Variants in NUFIP2 observed in about 807,000 individuals in gnomAD.
The protein encoded by NUFIP2 is nuclear FMR1 interacting protein 2, also known as FMR1-interacting protein NUFIP2.
A neutral mutation model predicts 56.9 loss-of-function variants in NUFIP2; 6 were observed. The ratio of observed to expected loss-of-function variants is 0.11; its 90% CI spans 0.06 to 0.21. The LOEUF (loss-of-function observed/expected upper bound fraction) is 0.21, where lower values mean the gene tolerates loss of function less well. Among genes scored for constraint, NUFIP2 ranks in the 10% least tolerant of loss-of-function variants. The probability of loss-of-function intolerance (pLI) is 1.00; values close to 1 mark genes in which losing one functional copy is unlikely to be tolerated. For missense variants in NUFIP2, 828 were observed against 826.8 expected, an observed-to-expected ratio of 1.00 and a Z score of -0.02; for synonymous variants, 321 against 298.2, an observed-to-expected ratio of 1.08 and a Z score of -0.79.
rs1232025815 is a variant in NUFIP2 at position 29,286,204 on chromosome 17, T to C, written c.1790A>G (p.His597Arg). The C allele has an allele frequency of 2.5e-6, 4 of 1,614,134 alleles. No homozygotes were observed. The highest frequency in any genetic ancestry group is 2.5e-6 in the Non-Finnish European group (3 of 1,179,986). The change falls in exon 2 of 4, where the codon CAT becomes CGT. Residue 597 changes from histidine to arginine, a missense_variant. Coordinates refer to ENST00000225388, the MANE Select transcript of NUFIP2 (RefSeq NM_020772.3). ...GTCTGCTTTCTGCAGGTCACCTATA[T>C]GACTGGGTTCCAAGGATAAGGCTCC... ...ESGALSLEPS[H>R]IGDLQKADTS...
Position 29,286,050 on chromosome 17 carries a change from T to C in NUFIP2, c.1944A>G (p.Glu648=), listed in dbSNP as rs1392206472. The C allele has an allele frequency of 6.2e-7, 1 of 1,614,160 alleles. No individual in the cohort carries two copies. Among genetic ancestry groups the C allele is most frequent in the Non-Finnish European group, 8.5e-7 (1 of 1,179,980 alleles). ...CAAAAGAACCCCAGCTATCATTCCTTTCTAGGCCTCTCTGGTATCTCTGTT... is the reference window on the plus strand; with the variant it reads ...CAAAAGAACCCCAGCTATCATTCCTCTCTAGGCCTCTCTGGTATCTCTGTT... ...AKEQRYQRGL[E]RNDSWGSFDL... Residue 648 remains glutamate, a synonymous_variant, in exon 2 of 4, where the codon GAA becomes GAG. Coordinates refer to ENST00000225388, the MANE Select transcript of NUFIP2 (RefSeq NM_020772.3).
intron 1 of NUFIP2, among the ~76,000 whole-genome samples, chr17:29,291,737 T>C (rs1217722440): frequency 6.6e-6 from 1 of 152,250 alleles, no homozygotes; most frequent in African/African-American, 2.4e-5. Context: ...TCTCATCTTT[T>C]GAACAAGATC....
At chr17:29,275,470 A>AT (rs1342985084) in intron 2 of NUFIP2, among the ~76,000 whole-genome samples, 1 of 152,192 alleles carries the variant, frequency 6.6e-6, no homozygotes, top group African/African-American at 2.4e-5. Context: ...AAGGTATAGG[A>AT]TATAAGAGTG....
rs2068999225 is a variant in NUFIP2, at chr17:29,260,989, A to T, written c.*3550T>A. 6.6e-6 allele frequency: 1 copy of T among 152,196 alleles called. No homozygotes were observed. Among genetic ancestry groups the T allele is most frequent in the South Asian group, 2.1e-4 (1 of 4,834 alleles). 9.4% of individuals were successfully genotyped at this position (152,196 alleles called of 1,614,324 possible). On this transcript the variant is annotated 3_prime_UTR_variant, in exon 4 of 4. Transcript: ENST00000225388. ...GTAAATACACTTTATGTGAAGGTTCATTACTAAGGAGGTTAGAAGAAAGGC... is the reference window on the plus strand; with the variant it reads ...GTAAATACACTTTATGTGAAGGTTCTTTACTAAGGAGGTTAGAAGAAAGGC...
At chr17:29,266,937 CTT>C (rs905426884) in intron 3 of NUFIP2, among the ~76,000 whole-genome samples, 3 of 151,760 alleles carry the variant, frequency 2.0e-5, no homozygotes, top group Non-Finnish European at 2.9e-5. Flanking sequence ...GCGTTTCGCT[CTT>C]GTTGCCCAGG....
intron 2 of NUFIP2, among the ~76,000 whole-genome samples, chr17:29,272,388 A>C (rs952012616): frequency 4.6e-5 from 7 of 151,794 alleles, no homozygotes; most frequent in Admixed American, 3.9e-4. Flanking sequence ...CTACAGGCGC[A>C]TGCCACCAAG....
chr17:29,267,613 C>T (rs1485015887), intron 2 of NUFIP2, 83 bp from the exon 3 acceptor site: 4 of 843,086 alleles, frequency 4.7e-6, no homozygotes, highest in Admixed American at 2.4e-5. Flanking sequence ...ATCTAAAAAT[C>T]CTAGACTGAT....
At position 29,256,810 on chromosome 17, in the gene NUFIP2, T is replaced by G. The variant is rs1383003072; in HGVS notation, c.*7729A>C. 6.6e-6 allele frequency: 1 copy of G among 152,222 alleles called. No homozygotes were observed. The highest frequency in any genetic ancestry group is 1.5e-5 in the Non-Finnish European group (1 of 68,026). The allele number at this position is 152,222 out of a possible 1,614,324, so 9.4% of individuals were successfully genotyped here. A position where few individuals can be genotyped will look rare whatever the true frequency, so the allele number is the denominator to read the frequency against. ...ACCAAATGTACCCAACTCCTAAACTTGTTCTAATCAGCTTGGGCAATTTTT... is the reference window on the plus strand; with the variant it reads ...ACCAAATGTACCCAACTCCTAAACTGGTTCTAATCAGCTTGGGCAATTTTT... On this transcript the variant is annotated 3_prime_UTR_variant, in exon 4 of 4. Transcript: ENST00000225388.
At chr17:29,288,287 C>T (rs538805509) in intron 1 of NUFIP2, among the ~76,000 whole-genome samples, 11 of 152,324 alleles carry the variant, frequency 7.2e-5, no homozygotes, top group African/African-American at 2.4e-4. Context: ...CCTTGTGATC[C>T]GCCCGTCTCG....
intron 1 of NUFIP2, among the ~76,000 whole-genome samples, chr17:29,289,356 G>A (rs1022592262): frequency 1.3e-5 from 2 of 152,160 alleles, no homozygotes; most frequent in Non-Finnish European, 2.9e-5. Context: ...ACTTTGGGAG[G>A]CCAAGGTGGG....
At chr17:29,274,170 C>A (rs538728816) in intron 2 of NUFIP2, among the ~76,000 whole-genome samples, 1 of 152,262 alleles carries the variant, frequency 6.6e-6, no homozygotes. Context: ...CAATTACTAT[C>A]CACCATCTGT....
rs1367750784 is a variant in NUFIP2, at chr17:29,263,620, G to C, written c.*919C>G. The C allele has an allele frequency of 6.6e-6, 1 of 152,644 alleles. No homozygotes were observed. Among genetic ancestry groups the C allele is most frequent in the Non-Finnish European group, 1.5e-5 (1 of 68,038 alleles). The allele number at this position is 152,644 out of a possible 1,614,324, so 9.5% of individuals were successfully genotyped here. A position where few individuals can be genotyped will look rare whatever the true frequency, so the allele number is the denominator to read the frequency against. On this transcript the variant is annotated 3_prime_UTR_variant, in exon 4 of 4. Transcript: ENST00000225388. ...ATTTAGTGTTAGTGACGGAGAGCAA[G>C]TCTGGAGCACCTACAGTTGAAAAGC...
intron 3 of NUFIP2, among the ~76,000 whole-genome samples, chr17:29,266,910 C>CT (rs566355844): frequency 5.1e-4 from 77 of 150,914 alleles, no homozygotes; most frequent in Middle Eastern, 3.4e-3. Flanking sequence ...TTAATACTAT[C>CT]TTTTTTTTTG....
At chr17:29,266,861 G>A (rs1030213379) in intron 3 of NUFIP2, among the ~76,000 whole-genome samples, 4 of 151,678 alleles carry the variant, frequency 2.6e-5, no homozygotes, top group Non-Finnish European at 5.9e-5. Context: ...TGGTATGGTA[G>A]TGTCTTTTTG....
At chr17:29,284,995 G>T (rs1417604291) in intron 2 of NUFIP2, among the ~76,000 whole-genome samples, 1 of 151,898 alleles carries the variant, frequency 6.6e-6, no homozygotes, top group African/African-American at 2.4e-5. Flanking sequence ...TATTAAAGAC[G>T]CATATGATAT....
At position 29,287,449 on chromosome 17, in the gene NUFIP2, TCAGACTTATCTA is replaced by T. The variant is rs1282996188; in HGVS notation, c.533_544del (p.Val178_Ser181del). ...CACACCATTTGGAATTGGTATAGTA[TCAGACTTATCTA>T]CAGACTGATTCTCTCCAGATTTATT... On this transcript the variant is annotated inframe_deletion, in exon 2 of 4. Coordinates refer to ENST00000225388, the MANE Select transcript of NUFIP2 (RefSeq NM_020772.3). 6.2e-7 allele frequency: 1 copy of T among 1,614,190 alleles called. No individual in the cohort carries two copies. The highest frequency in any genetic ancestry group is 1.1e-5 in the South Asian group (1 of 91,084).
In NUFIP2 at chr17:29,256,529, G is replaced by A. The variant is rs569676639; in HGVS notation, c.*8010C>T. 6.6e-6 allele frequency: 1 copy of A among 152,062 alleles called. No homozygotes were observed. Among genetic ancestry groups the A allele is most frequent in the Non-Finnish European group, 1.5e-5 (1 of 68,016 alleles). 9.4% of individuals were successfully genotyped at this position (152,062 alleles called of 1,614,324 possible). On this transcript the variant is annotated 3_prime_UTR_variant, in exon 4 of 4. Coordinates refer to ENST00000225388, the MANE Select transcript of NUFIP2 (RefSeq NM_020772.3). ...AGGCAACAATATACTTGATGAAGAA[G>A]TAACCCTCTTCTGTATATTGAAAAA...
chr17:29,273,549 T>C (rs910038285), intron 2 of NUFIP2, among the ~76,000 whole-genome samples: 1 of 151,924 alleles, frequency 6.6e-6, no homozygotes, highest in African/African-American at 2.4e-5. Flanking sequence ...AAAATCTAAC[T>C]TGCCAGTTCT....
chr17:29,272,392 C>T (rs1411018102), intron 2 of NUFIP2, among the ~76,000 whole-genome samples: 1 of 151,966 alleles, frequency 6.6e-6, no homozygotes, highest in Admixed American at 6.6e-5. Context: ...AGGCGCATGC[C>T]ACCAAGCCCG....
Sources: gnomAD v4.1 joint callset for allele counts (sites outside exome capture counted in the v4.1 genomes callset) on GRCh38, gnomAD v4.1.1 for gene constraint, MANE v1.5 for transcripts, NCBI Gene and HGNC (gene_info 2026-07-23, HGNC 2026-07-21) for gene names.